ZSWIM5: variants seen among roughly 807,000 people sequenced by gnomAD.
The protein encoded by ZSWIM5 is zinc finger SWIM-type containing 5, also known as zinc finger SWIM domain-containing protein 5.
A neutral mutation model predicts 119.6 loss-of-function variants in ZSWIM5; 55 were observed. That is an observed-to-expected ratio of 0.46 (90% CI 0.37 to 0.58). ZSWIM5 has a LOEUF of 0.58. Among genes scored for constraint, ZSWIM5 ranks in the 20% least tolerant of loss-of-function variants. The pLI is 0.00. For synonymous variants in ZSWIM5, 537 were observed against 606.9 expected (o/e 0.88, Z 1.69); for missense variants, 1,193 against 1,512.8 (o/e 0.79, Z 3.51).
At chr1:45,130,008 C>T (rs997324967) in intron 1 of ZSWIM5, among the ~76,000 whole-genome samples, 4 of 152,296 alleles carry the variant, frequency 2.6e-5, no homozygotes, top group African/African-American at 9.6e-5. Flanking sequence ...AGTGATTCTC[C>T]TGCCTCAGCC....
At chr1:45,169,486 G>C (rs1217743362) in intron 1 of ZSWIM5, among the ~76,000 whole-genome samples, 1 of 152,028 alleles carries the variant, frequency 6.6e-6, no homozygotes, top group African/African-American at 2.4e-5. Context: ...TAGTGACACA[G>C]TTGGAATATG....
intron 3 of ZSWIM5, among the ~76,000 whole-genome samples, chr1:45,059,164 T>C (rs1046719087): frequency 1.3e-5 from 2 of 152,176 alleles, no homozygotes; most frequent in African/African-American, 4.8e-5. Context: ...TGAAAATATA[T>C]GTCCACATAG....
At chr1:45,053,490 G>A (rs572328558) in intron 4 of ZSWIM5, among the ~76,000 whole-genome samples, 4 of 151,920 alleles carry the variant, frequency 2.6e-5, no homozygotes, top group Admixed American at 6.6e-5. Flanking sequence ...GGCCGGGTGC[G>A]GTGGCTCATT....
At chr1:45,068,091 C>CTTTTTTTTTTTTTTTTTTTTT (rs869057806) in intron 2 of ZSWIM5, among the ~76,000 whole-genome samples, 2 of 111,536 alleles carry the variant, frequency 1.8e-5, no homozygotes, top group Non-Finnish European at 1.8e-5. Flanking sequence ...AGCAATTTTT[C>CTTTTTTTTTTTTTTTTTTTTT]TTTTTTTTTT....
At chr1:45,091,706 A>C (rs1026609814) in intron 1 of ZSWIM5, among the ~76,000 whole-genome samples, 2 of 152,042 alleles carry the variant, frequency 1.3e-5, no homozygotes, top group African/African-American at 2.4e-5. Context: ...AACCAAACAA[A>C]CAAACAAAAT....
At position 45,016,415 on chromosome 1, in the gene ZSWIM5, A is replaced by T. The variant is rs1644853636; in HGVS notation, c.*2039T>A. 1 of 152,234 alleles carries T rather than the reference A, an allele frequency of 6.6e-6. No individual in the cohort carries two copies. The highest frequency in any genetic ancestry group is 6.5e-5 in the Admixed American group (1 of 15,276). 9.4% of individuals were successfully genotyped at this position (152,234 alleles called of 1,614,324 possible). A position where few individuals can be genotyped will look rare whatever the true frequency, so the allele number is the denominator to read the frequency against. ...CACAATTTCTGCTTTTAGAAAAATG[A>T]TCTTTTATGTGATCCATGATTTATT... On this transcript the variant is annotated 3_prime_UTR_variant, in exon 14 of 14. Coordinates refer to ENST00000359600, the MANE Select transcript of ZSWIM5 (RefSeq NM_020883.2).
chr1:45,123,773 A>G (rs570512731), intron 1 of ZSWIM5, among the ~76,000 whole-genome samples: 13 of 152,346 alleles, frequency 8.5e-5, no homozygotes, highest in Non-Finnish European at 1.6e-4. Flanking sequence ...AACCCCAAAG[A>G]GGATTATACC....
At chr1:45,060,329 TTCAAA>T in intron 2 of ZSWIM5, 82 bp from the exon 3 acceptor site, 1 of 1,472,576 alleles carries the variant, frequency 6.8e-7, no homozygotes, top group Non-Finnish European at 9.3e-7. Flanking sequence ...TGTGAGCATA[TTCAAA>T]CAGAGATGGG....
intron 1 of ZSWIM5, among the ~76,000 whole-genome samples, chr1:45,110,334 C>T (rs1172408820): frequency 6.6e-6 from 1 of 152,126 alleles, no homozygotes; most frequent in Non-Finnish European, 1.5e-5. Context: ...ATCAAACTCA[C>T]TGGGGGAGTC....
intron 1 of ZSWIM5, among the ~76,000 whole-genome samples, chr1:45,160,485 G>C (rs1314957022): frequency 6.6e-6 from 1 of 151,978 alleles, no homozygotes; most frequent in African/African-American, 2.4e-5. Flanking sequence ...ATTTCCATGA[G>C]ATCAACTTTT....
intron 1 of ZSWIM5, among the ~76,000 whole-genome samples, chr1:45,103,637 C>T (rs79475021): frequency 0.021 from 3,135 of 152,210 alleles, 115 homozygotes; most frequent in African/African-American, 0.072. Context: ...CTGACATTTG[C>T]CTGTTTTCCT....
At chr1:45,189,608 T>C (rs1646079242) in intron 1 of ZSWIM5, among the ~76,000 whole-genome samples, 1 of 151,824 alleles carries the variant, frequency 6.6e-6, no homozygotes. Context: ...CACAAAAAGT[T>C]AGCCAGGCAT....
intron 5 of ZSWIM5, among the ~76,000 whole-genome samples, chr1:45,048,850 G>T (rs1645072334): frequency 6.6e-6 from 1 of 152,216 alleles, no homozygotes; most frequent in African/African-American, 2.4e-5. Flanking sequence ...AATCAGCATG[G>T]TGGCTCATGC....
Position 45,040,585 on chromosome 1 carries a change from C to T in ZSWIM5, c.1610-47G>A, listed in dbSNP as rs564663795. 78 of 1,532,656 alleles carry T rather than the reference C, an allele frequency of 5.1e-5. No homozygotes were observed. The Admixed American group carries it at 1.2e-3, about 24-fold the overall frequency. 94.9% of individuals were successfully genotyped at this position (1,532,656 alleles called of 1,614,324 possible). ...TTTTGGTCTAGTTAAAATTTCAAGTCAGGAAAATTTATACCTGACAAAGAG... is the reference window on the plus strand; with the variant it reads ...TTTTGGTCTAGTTAAAATTTCAAGTTAGGAAAATTTATACCTGACAAAGAG... On this transcript the variant is annotated intron_variant, in intron 6 of 13. Coordinates refer to ENST00000359600, the MANE Select transcript of ZSWIM5 (RefSeq NM_020883.2).
intron 8 of ZSWIM5, among the ~76,000 whole-genome samples, chr1:45,037,709 A>C (rs1048751593): frequency 1.3e-5 from 2 of 152,252 alleles, no homozygotes; most frequent in African/African-American, 4.8e-5. Context: ...GATAAGGAGC[A>C]GCCTGCACTT....
intron 1 of ZSWIM5, among the ~76,000 whole-genome samples, chr1:45,194,490 T>A (rs1646110487): frequency 1.3e-5 from 2 of 152,170 alleles, no homozygotes; most frequent in African/African-American, 4.8e-5. Flanking sequence ...TAACATCTTG[T>A]CATCTTCCTT....
chr1:45,194,923 T>C (rs896769988), intron 1 of ZSWIM5, among the ~76,000 whole-genome samples: 1 of 152,148 alleles, frequency 6.6e-6, no homozygotes, highest in African/African-American at 2.4e-5. Context: ...GTAAAGTGTT[T>C]TCAATCTTTA....
rs184989531 is a variant in ZSWIM5, at chr1:45,178,695, C to T, written c.595+27061G>A. ...ATTTTTTATCACTGTTATACTTTAA[C>T]GTAAATGACTGATTTAATTGTATTA... On this transcript the variant is annotated intron_variant, in intron 1 of 13. Transcript: ENST00000359600. Among the ~76,000 whole-genome samples the T allele has an allele frequency of 4.4e-3, 663 of 152,008 alleles. 5 individuals are homozygous for T. Among genetic ancestry groups the T allele is most frequent in the Admixed American group, 6.2e-3 (94 of 15,252 alleles).
At chr1:45,193,920 ACATATGTGTG>A (rs1417000807) in intron 1 of ZSWIM5, among the ~76,000 whole-genome samples, 1 of 150,386 alleles carries the variant, frequency 6.6e-6, no homozygotes, top group Non-Finnish European at 1.5e-5. Context: ...ACGTATGTGT[ACATATGTGTG>A]CATATGTGTA....
Sources: allele counts gnomAD v4.1 joint callset (sites outside exome capture counted in the v4.1 genomes callset), GRCh38; gene constraint gnomAD v4.1.1; transcripts MANE v1.5; gene names NCBI Gene and HGNC (gene_info 2026-07-23, HGNC 2026-07-21).